Variants in GALNT1 observed in about 807,000 individuals in gnomAD.
The protein encoded by GALNT1 is polypeptide N-acetylgalactosaminyltransferase 1.
In GALNT1, 17 loss-of-function variants were observed where a neutral mutation model predicts 65.7. The observed-to-expected ratio is 0.26, with a 90% CI of 0.18 to 0.39. GALNT1 has a LOEUF of 0.39. GALNT1 is among the 10% of genes least tolerant of loss of function. The pLI is 1.00. For missense variants in GALNT1, 460 were observed against 672.8 expected (o/e 0.68, Z 3.50); for synonymous variants, 210 against 219.7 (o/e 0.96, Z 0.39).
chr18:35,689,927 C>T (rs1027141127), intron 7 of GALNT1, among the ~76,000 whole-genome samples: 9 of 152,170 alleles, frequency 5.9e-5, no homozygotes, highest in Non-Finnish European at 7.4e-5. Context: ...TCTGAACCAG[C>T]GAGCTCACTT....
At chr18:35,582,693 A>G (rs760668718) in intron 1 of GALNT1, among the ~76,000 whole-genome samples, 3 of 152,248 alleles carry the variant, frequency 2.0e-5, no homozygotes, top group Non-Finnish European at 4.4e-5. Flanking sequence ...ACATTGCTTT[A>G]TAATCGTGTC....
chr18:35,636,337 T>C (rs1178810465), intron 1 of GALNT1, among the ~76,000 whole-genome samples: 1 of 152,170 alleles, frequency 6.6e-6, no homozygotes, highest in Non-Finnish European at 1.5e-5. Flanking sequence ...ATAACAGTGT[T>C]CTTTAGAACA....
At chr18:35,689,889 G>A (rs1439955422) in intron 7 of GALNT1, among the ~76,000 whole-genome samples, 1 of 152,132 alleles carries the variant, frequency 6.6e-6, no homozygotes, top group Admixed American at 6.5e-5. Flanking sequence ...GCTTATTATA[G>A]TGGAAATCAC....
In GALNT1 at chr18:35,709,697, G is replaced by C. The variant is rs747514160; in HGVS notation, c.1607G>C (p.Ser536Thr). The change falls in exon 12 of 12, where the codon AGC becomes ACC. Residue 536 changes from serine (S) to threonine (T), a missense_variant. By Grantham distance (58) the Ser-to-Thr change is moderately conservative. Transcript: ENST00000269195. ...KATEEDSQVP[S>T]IRDCNGSRSQ... is the part of the protein sequence containing the mutation. ...ACAGAAGAGGATAGCCAGGTGCCCA[G>C]CATTAGAGACTGCAATGGAAGTCGG... is the stretch of plus-strand genomic sequence containing the variant. 1.5e-5 allele frequency: 25 copies of C among 1,613,992 alleles called. No individual in the cohort carries two copies. Among genetic ancestry groups the C allele is most frequent in the Admixed American group, 3.3e-5 (2 of 60,014 alleles).
intron 3 of GALNT1, among the ~76,000 whole-genome samples, chr18:35,666,725 G>A (rs1352796725): frequency 2.0e-5 from 3 of 152,144 alleles, no homozygotes; most frequent in Non-Finnish European, 4.4e-5. Flanking sequence ...GAATAGTGTT[G>A]AAATGGTGTG....
intron 1 of GALNT1, among the ~76,000 whole-genome samples, chr18:35,614,339 TAAAA>T (rs920512677): frequency 6.6e-6 from 1 of 152,034 alleles, no homozygotes; most frequent in South Asian, 2.1e-4. Flanking sequence ...AGTTTAAAGT[TAAAA>T]AAACCATATC....
intron 1 of GALNT1, among the ~76,000 whole-genome samples, chr18:35,600,972 T>G (rs939071901): frequency 1.3e-5 from 2 of 151,124 alleles, no homozygotes; most frequent in Admixed American, 6.6e-5. Context: ...TTGGAAGTAT[T>G]TCCTTCCTTC....
At chr18:35,585,848 T>C (rs1027886013) in intron 1 of GALNT1, among the ~76,000 whole-genome samples, 2 of 152,252 alleles carry the variant, frequency 1.3e-5, no homozygotes, top group Non-Finnish European at 2.9e-5. Flanking sequence ...GAATGTACTT[T>C]TACGGATCTT....
intron 9 of GALNT1, among the ~76,000 whole-genome samples, chr18:35,700,343 A>T (rs564308950): frequency 6.6e-6 from 1 of 152,190 alleles, no homozygotes; most frequent in Non-Finnish European, 1.5e-5. Context: ...GTGCTCTTTC[A>T]GAAGTGTAAT....
At chr18:35,636,161 G>A (rs1371655089) in intron 1 of GALNT1, among the ~76,000 whole-genome samples, 3 of 152,182 alleles carry the variant, frequency 2.0e-5, no homozygotes, top group Non-Finnish European at 4.4e-5. Context: ...AGTTAACATA[G>A]TTAAATAGAT....
chr18:35,610,137 A>G (rs2046698964), intron 1 of GALNT1, among the ~76,000 whole-genome samples: 1 of 152,204 alleles, frequency 6.6e-6, no homozygotes, highest in Non-Finnish European at 1.5e-5. Context: ...AGCCAGAGAA[A>G]GCATGACGTA....
chr18:35,594,088 C>T (rs1227537997), intron 1 of GALNT1, among the ~76,000 whole-genome samples: 6 of 110,798 alleles, frequency 5.4e-5, no homozygotes, highest in African/African-American at 1.5e-4. Context: ...TTTCTTTGGG[C>T]GGGGGGCGGG....
At chr18:35,690,332 G>C (rs770818477) in intron 7 of GALNT1, among the ~76,000 whole-genome samples, 1 of 152,072 alleles carries the variant, frequency 6.6e-6, no homozygotes, top group African/African-American at 2.4e-5. Context: ...AAGCCGTGAC[G>C]CAGGTTTGGA....
chr18:35,686,268 A>G (rs926116585), intron 5 of GALNT1, among the ~76,000 whole-genome samples: 1 of 152,248 alleles, frequency 6.6e-6, no homozygotes, highest in Non-Finnish European at 1.5e-5. Flanking sequence ...TAAGAGTATC[A>G]ATTCTACCCA....
At chr18:35,629,857 G>A (rs1373026447) in intron 1 of GALNT1, among the ~76,000 whole-genome samples, 1 of 152,162 alleles carries the variant, frequency 6.6e-6, no homozygotes, top group Non-Finnish European at 1.5e-5. Flanking sequence ...CAGGGATGGA[G>A]GAAGATCCAC....
intron 1 of GALNT1, among the ~76,000 whole-genome samples, chr18:35,637,009 C>T (rs773394154): frequency 3.3e-5 from 5 of 151,684 alleles, no homozygotes; most frequent in Non-Finnish European, 7.4e-5. Flanking sequence ...TTTGAGGTAC[C>T]ACAAACTTGT....
chr18:35,666,650 T>C (rs1160777791), intron 3 of GALNT1, among the ~76,000 whole-genome samples: 1 of 152,264 alleles, frequency 6.6e-6, no homozygotes, highest in Non-Finnish European at 1.5e-5. Context: ...CTTTTATTAA[T>C]GAGTGCCTTT....
chr18:35,674,045 G>A (rs1021003666), intron 3 of GALNT1, among the ~76,000 whole-genome samples: 1 of 152,118 alleles, frequency 6.6e-6, no homozygotes, highest in African/African-American at 2.4e-5. Context: ...TAGTGTTTGT[G>A]TATCTAAACA....
intron 1 of GALNT1, among the ~76,000 whole-genome samples, chr18:35,654,268 A>G (rs1266398151): frequency 6.6e-5 from 10 of 152,238 alleles, no homozygotes; most frequent in African/African-American, 2.2e-4. Context: ...TTTATTGGCT[A>G]TTTAGGTTTC....
Sources: gnomAD v4.1 joint callset for allele counts (sites outside exome capture counted in the v4.1 genomes callset) on GRCh38, gnomAD v4.1.1 for gene constraint, MANE v1.5 for transcripts, NCBI Gene and HGNC (gene_info 2026-07-23, HGNC 2026-07-21) for gene names.